The following MTCH2 variants were observed in gnomAD, a reference collection of about 807,000 sequenced individuals.
The protein encoded by MTCH2 is mitochondrial carrier 2, also known as mitochondrial carrier homolog 2.
Under a neutral mutation model 50.6 loss-of-function variants are expected in MTCH2, and 25 were observed. That is an observed-to-expected ratio of 0.49 (90% CI 0.36 to 0.69). The LOEUF (loss-of-function observed/expected upper bound fraction) is 0.69. Among genes scored for constraint, MTCH2 ranks in the 30% least tolerant of loss-of-function variants. The probability of loss-of-function intolerance (pLI) is 0.00; values close to 1 mark genes in which losing one functional copy is unlikely to be tolerated. For synonymous variants in MTCH2, 106 were observed against 132.0 expected, an observed-to-expected ratio of 0.80 and a Z score of 1.35; for missense variants, 273 against 384.4, an observed-to-expected ratio of 0.71 and a Z score of 2.42.
downstream of MTCH2, among the ~76,000 whole-genome samples, chr11:47,616,045 G>A (rs1047194947): frequency 7.9e-5 from 12 of 151,428 alleles, no homozygotes; most frequent in African/African-American, 1.2e-4. Flanking sequence ...CGCAACCTCC[G>A]CTTCCTGGGT....
At chr11:47,634,066 C>T (rs2097306220) in intron 5 of MTCH2, among the ~76,000 whole-genome samples, 1 of 152,026 alleles carries the variant, frequency 6.6e-6, no homozygotes, top group Non-Finnish European at 1.5e-5. Flanking sequence ...TACAAAGGGC[C>T]TGGTCGCTAT....
chr11:47,620,105 AAAC>A (rs1565961760), intron 12 of MTCH2, among the ~76,000 whole-genome samples: 1 of 151,622 alleles, frequency 6.6e-6, no homozygotes, highest in Non-Finnish European at 1.5e-5. Context: ...CAAAACAAAA[AAAC>A]AAACAAACAA....
At chr11:47,639,536 T>C (rs1038429283) in intron 1 of MTCH2, among the ~76,000 whole-genome samples, 1 of 152,234 alleles carries the variant, frequency 6.6e-6, no homozygotes, top group African/African-American at 2.4e-5. Context: ...GCTAACTTCA[T>C]GTTAGAAGAA....
chr11:47,614,638 T>C (rs549074675), downstream of MTCH2, among the ~76,000 whole-genome samples: 6 of 152,052 alleles, frequency 3.9e-5, no homozygotes, highest in East Asian at 1.9e-4. Context: ...CCGGAGTACG[T>C]TGGCGCAACC....
chr11:47,616,622 C>A (rs149373608), downstream of MTCH2, among the ~76,000 whole-genome samples: 138 of 152,164 alleles, frequency 9.1e-4, 1 homozygote, highest in Non-Finnish European at 1.4e-3. Flanking sequence ...CCACCACAAC[C>A]AGCCTAAGTT....
At chr11:47,614,526 G>C (rs2097287266), downstream of MTCH2, among the ~76,000 whole-genome samples, 1 of 152,058 alleles carries the variant, frequency 6.6e-6, no homozygotes, top group Non-Finnish European at 1.5e-5. Flanking sequence ...GAGTGCAATG[G>C]CACCATTTTT....
At chr11:47,626,319 C>T (rs1046578200) in intron 10 of MTCH2, among the ~76,000 whole-genome samples, 6 of 151,028 alleles carry the variant, frequency 4.0e-5, no homozygotes, top group African/African-American at 7.3e-5. Context: ...TGAGCCACCG[C>T]GCCTGCCCCA....
At chr11:47,627,320 T>C (rs2097299088) in intron 9 of MTCH2, among the ~76,000 whole-genome samples, 193 bp from the exon 10 acceptor site, 1 of 151,876 alleles carries the variant, frequency 6.6e-6, no homozygotes, top group Non-Finnish European at 1.5e-5. Flanking sequence ...TTTTAAGAAA[T>C]GGTGTCTTTT....
At chr11:47,633,829 G>A (rs2097305985) in intron 5 of MTCH2, among the ~76,000 whole-genome samples, 2 of 151,338 alleles carry the variant, frequency 1.3e-5, no homozygotes, top group South Asian at 2.1e-4. Flanking sequence ...GAGCCACTGC[G>A]CCCAGCCTTT....
intron 1 of MTCH2, among the ~76,000 whole-genome samples, chr11:47,641,399 A>C (rs954848116): frequency 1.3e-5 from 2 of 152,188 alleles, no homozygotes; most frequent in Non-Finnish European, 2.9e-5. Flanking sequence ...CAACAACTCA[A>C]GAATAAGAAA....
the MTCH2 span, among the ~76,000 whole-genome samples, chr11:47,609,124 C>CA: frequency 0.24 from 21,476 of 89,486 alleles, 2,826 homozygotes; most frequent in Non-Finnish European, 0.29. Flanking sequence ...AACTCTGTCT[C>CA]AAAAAAAAAA....
At chr11:47,633,162 T>C (rs936382127) in intron 5 of MTCH2, among the ~76,000 whole-genome samples, 2 of 142,074 alleles carry the variant, frequency 1.4e-5, no homozygotes, top group Non-Finnish European at 3.0e-5. Context: ...CAGGCTGGAG[T>C]GCAGTGGCGC....
chr11:47,642,117 C>A (rs2097314772), intron 1 of MTCH2, among the ~76,000 whole-genome samples: 1 of 152,112 alleles, frequency 6.6e-6, no homozygotes, highest in Non-Finnish European at 1.5e-5. Context: ...GAGGATCCGC[C>A]GGGCAGGGCA....
chr11:47,628,564 C>A (rs139177217), intron 9 of MTCH2, among the ~76,000 whole-genome samples: 11 of 149,966 alleles, frequency 7.3e-5, no homozygotes, highest in Non-Finnish European at 1.6e-4. Context: ...AAACTGTCAT[C>A]TTGTTTATTT....
intron 1 of MTCH2, among the ~76,000 whole-genome samples, chr11:47,639,646 C>A (rs2097312113): frequency 6.6e-6 from 1 of 152,092 alleles, no homozygotes; most frequent in South Asian, 2.1e-4. Flanking sequence ...CGAGACCAGT[C>A]TGGCCAACAT....
intron 5 of MTCH2, among the ~76,000 whole-genome samples, chr11:47,632,271 AG>A (rs1193571341): frequency 8.5e-5 from 13 of 152,196 alleles, no homozygotes; most frequent in Non-Finnish European, 1.9e-4. Context: ...GGGCTCTGTA[AG>A]GAAGTAATAA....
Position 47,617,649 on chromosome 11 carries a change from G to A in MTCH2, c.*1184C>T, listed in dbSNP as rs2097289394. On this transcript the variant is annotated 3_prime_UTR_variant, in exon 13 of 13. Transcript: ENST00000302503. ...AGTTATATAAATAAGTGAAACCACA[G>A]GCTTTCTCATTTTAGAGCATTTTAA... The A allele has an allele frequency of 6.6e-6, 1 of 152,610 alleles. No homozygotes were observed. The highest frequency in any genetic ancestry group is 1.5e-5 in the Non-Finnish European group (1 of 68,032). The allele number at this position is 152,610 out of a possible 1,614,324, so 9.5% of individuals were successfully genotyped here.
intron 8 of MTCH2, among the ~76,000 whole-genome samples, chr11:47,629,519 G>C (rs192666638): frequency 2.6e-5 from 4 of 152,226 alleles, no homozygotes; most frequent in Admixed American, 2.6e-4. Context: ...TCTAGGGTCT[G>C]GGTGACCTAG....
At chr11:47,609,907 C>T in the MTCH2 span, among the ~76,000 whole-genome samples, 1 of 152,144 alleles carries the variant, frequency 6.6e-6, no homozygotes, top group Non-Finnish European at 1.5e-5. Flanking sequence ...AATTCAGAGG[C>T]GTTTCTGAGA....
Sources: allele counts gnomAD v4.1 joint callset (sites outside exome capture counted in the v4.1 genomes callset), GRCh38; gene constraint gnomAD v4.1.1; transcripts MANE v1.5; gene names NCBI Gene and HGNC (gene_info 2026-07-23, HGNC 2026-07-21).